SPTAN1: variants seen among roughly 807,000 people sequenced by gnomAD.
The protein encoded by SPTAN1 is spectrin alpha, non-erythrocytic 1, also known as spectrin alpha chain, non-erythrocytic 1.
A neutral mutation model predicts 331.3 loss-of-function variants in SPTAN1; 61 were observed. The observed-to-expected ratio is 0.18, with a 90% CI of 0.15 to 0.23. The LOEUF is 0.23. SPTAN1 is among the 10% of genes least tolerant of loss of function. The probability of loss-of-function intolerance (pLI) is 1.00; values close to 1 mark genes in which losing one functional copy is unlikely to be tolerated. For synonymous variants in SPTAN1, 1,153 were observed against 1,173.9 expected (o/e 0.98, Z 0.36); for missense variants, 2,043 against 3,147.9 (o/e 0.65, Z 8.40).
At chr9:128,619,932 C>T (rs1239126040) in intron 44 of SPTAN1, among the ~76,000 whole-genome samples, 1 of 152,212 alleles carries the variant, frequency 6.6e-6, no homozygotes, top group Non-Finnish European at 1.5e-5. Flanking sequence ...CGTGGCTGGG[C>T]TGAGAGATCC....
At chr9:128,604,645 T>C (rs1671089065) in intron 29 of SPTAN1, among the ~76,000 whole-genome samples, 1 of 152,186 alleles carries the variant, frequency 6.6e-6, no homozygotes, top group Admixed American at 6.5e-5. Flanking sequence ...AAATAAATTT[T>C]TTTAGGCTGG....
intron 12 of SPTAN1, among the ~76,000 whole-genome samples, chr9:128,582,154 G>A (rs1852023037): frequency 6.6e-6 from 1 of 152,142 alleles, no homozygotes; most frequent in Admixed American, 6.5e-5. Context: ...AATATTAAGA[G>A]GTACTCTTCC....
At chr9:128,628,129 G>A (rs750346901) in intron 51 of SPTAN1, 187 bp downstream of exon 51, 1 of 814,232 alleles carries the variant, frequency 1.2e-6, no homozygotes, top group Non-Finnish European at 2.1e-6. Flanking sequence ...ATGGTCCCTG[G>A]TCCCCGATAG....
intron 24 of SPTAN1, among the ~76,000 whole-genome samples, chr9:128,597,121 C>T (rs576423643): frequency 8.5e-5 from 13 of 152,204 alleles, no homozygotes; most frequent in Admixed American, 2.6e-4. Context: ...GATCACGCCA[C>T]TGCACTCCAG....
chr9:128,625,866 C>CCAAG lies in SPTAN1; in HGVS notation c.6168_6171dup (p.Ala2058GlnfsTer57). Reference sequence around the variant, plus strand: ...CTTCTCGCCGCCAAACACGTTCAGTCCAAGGCCATCGAGGCCCGGCACGCC... The same window carrying CCAAG: ...CTTCTCGCCGCCAAACACGTTCAGTCCAAGCAAGGCCATCGAGGCCCGGCACGCC... On this transcript the variant is annotated frameshift_variant, in exon 48 of 57. Coordinates refer to ENST00000372739, the MANE Select transcript of SPTAN1 (RefSeq NM_001130438.3). LOFTEE classifies it high-confidence loss of function. The surrounding 1 kb of genome is among the most constrained non-coding windows in gnomAD (Gnocchi z 4.1). The CCAAG allele has an allele frequency of 6.2e-7, 1 of 1,614,206 alleles. No individual in the cohort carries two copies. Among genetic ancestry groups the CCAAG allele is most frequent in the Non-Finnish European group, 8.5e-7 (1 of 1,180,040 alleles).
chr9:128,609,951 C>G (rs1856388979), intron 37 of SPTAN1, among the ~76,000 whole-genome samples: 2 of 152,226 alleles, frequency 1.3e-5, no homozygotes, highest in South Asian at 2.1e-4. Flanking sequence ...TGACCATTTT[C>G]TTTCAAGGAG....
chr9:128,594,580 G>A lies in SPTAN1; in HGVS notation c.3414+207G>A, dbSNP rs577541510. Among the ~76,000 whole-genome samples the A allele has an allele frequency of 5.3e-5, 8 of 151,618 alleles. No homozygotes were observed. In the South Asian group the frequency reaches 1.0e-3, roughly 20 times the overall value. ...TGAGTTGCTGGGATTACAGATGTGC[G>A]TCACCACGCCCTGCTAATTTTTGTA... On this transcript the variant is annotated intron_variant, in intron 24 of 56. Coordinates refer to ENST00000372739, the MANE Select transcript of SPTAN1 (RefSeq NM_001130438.3).
chr9:128,612,912 G>A (rs990049389), intron 39 of SPTAN1, among the ~76,000 whole-genome samples: 2 of 151,422 alleles, frequency 1.3e-5, no homozygotes, highest in African/African-American at 2.4e-5. Context: ...GCAACAGAGC[G>A]AGACTTCATC....
chr9:128,597,131 G>A (rs1175918195), intron 24 of SPTAN1, among the ~76,000 whole-genome samples: 1 of 152,146 alleles, frequency 6.6e-6, no homozygotes, highest in Admixed American at 6.5e-5. Flanking sequence ...CTGCACTCCA[G>A]TCTGGGCAAT....
At chr9:128,579,613 T>C (rs774604729) in intron 9 of SPTAN1, 24 bp from the exon 10 acceptor site, 1 of 1,588,178 alleles carries the variant, frequency 6.3e-7, no homozygotes, top group Non-Finnish European at 8.6e-7. Flanking sequence ...GCACAAATCA[T>C]GGCTTTGTTT....
chr9:128,609,294 A>T lies in SPTAN1; in HGVS notation c.4758+10A>T, dbSNP rs1856301701. On this transcript the variant is annotated intron_variant, in intron 36 of 56. Transcript: ENST00000372739. ...TCCCACCAACATCCAGGTAAGCTGA[A>T]GTGACTGGGTGTTGGTCTTGATGTA... The T allele has an allele frequency of 2.5e-6, 4 of 1,614,100 alleles. No individual in the cohort carries two copies. The highest frequency in any genetic ancestry group is 3.4e-6 in the Non-Finnish European group (4 of 1,180,032).
At chr9:128,611,024 C>G (rs1247207627) in intron 37 of SPTAN1, among the ~76,000 whole-genome samples, 1 of 152,226 alleles carries the variant, frequency 6.6e-6, no homozygotes, top group Non-Finnish European at 1.5e-5. Flanking sequence ...TCATTCATTA[C>G]AGCCTGTCTC....
intron 5 of SPTAN1, among the ~76,000 whole-genome samples, chr9:128,576,209 A>G (rs1851288147): frequency 6.6e-6 from 1 of 152,168 alleles, no homozygotes; most frequent in Non-Finnish European, 1.5e-5. Context: ...ATTTTTTAAA[A>G]CACCAAAATG....
intron 2 of SPTAN1, 136 bp downstream of exon 2, chr9:128,567,113 C>A: frequency 7.8e-7 from 1 of 1,284,256 alleles, no homozygotes; most frequent in Non-Finnish European, 1.1e-6. Context: ...AGGACAAACT[C>A]ATTGTTTTCC....
intron 24 of SPTAN1, among the ~76,000 whole-genome samples, chr9:128,597,516 C>T (rs978099008): frequency 2.0e-5 from 3 of 151,968 alleles, no homozygotes; most frequent in Admixed American, 1.3e-4. Context: ...AGTGAGACCC[C>T]GTCTCCAAAA....
In SPTAN1 at chr9:128,582,443, T is replaced by G. The variant is rs565979192; in HGVS notation, c.1573-36T>G. Reference sequence around the variant, plus strand: ...CCAGAGGCCAAGCTTGGGACTAGTGTGCTTACCAATGAAGAACTCTTATCT... The same window carrying G: ...CCAGAGGCCAAGCTTGGGACTAGTGGGCTTACCAATGAAGAACTCTTATCT... On this transcript the variant is annotated intron_variant, in intron 12 of 56. Transcript: ENST00000372739. The G allele has an allele frequency of 1.3e-5, 20 of 1,594,302 alleles. No individual in the cohort carries two copies. In the African/African-American group the frequency reaches 1.3e-4, roughly 11 times the overall value.
chr9:128,613,490 G>A lies in SPTAN1; in HGVS notation c.5148+5G>A. The A allele has an allele frequency of 6.2e-7, 1 of 1,613,386 alleles. No homozygotes were observed. Among genetic ancestry groups the A allele is most frequent in the Non-Finnish European group, 8.5e-7 (1 of 1,179,544 alleles). On this transcript the variant is annotated splice_donor_5th_base_variant and intron_variant, in intron 40 of 56. Coordinates refer to ENST00000372739, the MANE Select transcript of SPTAN1 (RefSeq NM_001130438.3). The stretch of plus-strand genomic sequence containing the variant: ...GCAGATATATCTGCCCATGAGGTAA[G>A]CAAAGGGAGGCGGGCCAGGCCCGAG...
rs976773929 is a variant in SPTAN1, at chr9:128,592,339, A to G, written c.3156-644A>G. 6.1e-5 allele frequency among the ~76,000 whole-genome samples: 9 copies of G among 148,734 alleles called. No individual in the cohort carries two copies. The East Asian group carries it at 1.8e-3, about 29-fold the overall frequency. ...ATCCAGACTGGAGTGCAGTGGTGTG[A>G]TCTTGGCTTACTGCAACCTCTGCCT... On this transcript the variant is annotated intron_variant, in intron 22 of 56. Transcript: ENST00000372739.
At chr9:128,572,115 C>T (rs1409006281) in intron 3 of SPTAN1, among the ~76,000 whole-genome samples, 2 of 152,202 alleles carry the variant, frequency 1.3e-5, no homozygotes, top group Non-Finnish European at 2.9e-5. Context: ...CTGCCTCGGC[C>T]TCCCAAAGTG....
Sources: allele counts gnomAD v4.1 joint callset (sites outside exome capture counted in the v4.1 genomes callset), GRCh38; gene constraint gnomAD v4.1.1; non-coding constraint Gnocchi (gnomAD v3.1); transcripts MANE v1.5; gene names NCBI Gene and HGNC (gene_info 2026-07-23, HGNC 2026-07-21).